KCNMA1: variants seen among roughly 807,000 people sequenced by gnomAD.
The protein encoded by KCNMA1 is Calcium-activated potassium channel subunit alpha-1.
A neutral mutation model predicts 140.0 loss-of-function variants in KCNMA1; 29 were observed. The ratio of observed to expected loss-of-function variants is 0.21; its 90% confidence interval spans 0.15 to 0.28. The LOEUF (loss-of-function observed/expected upper bound fraction) is 0.28, where lower values mean the gene tolerates loss of function less well. Ranked by LOEUF, KCNMA1 falls within the 10% of genes least tolerant of loss-of-function variation. The probability of loss-of-function intolerance (pLI) is 1.00; values close to 1 mark genes in which losing one functional copy is unlikely to be tolerated. For missense variants in KCNMA1, 880 were observed against 1,602.2 expected, an observed-to-expected ratio of 0.55 and a Z score of 7.70; for synonymous variants, 612 against 611.9, an observed-to-expected ratio of 1.00 and a Z score of 0.00.
chr10:77,053,024 G>A (rs1244549304), intron 14 of KCNMA1, among the ~76,000 whole-genome samples: 1 of 152,114 alleles, frequency 6.6e-6, no homozygotes, highest in Admixed American at 6.5e-5. Flanking sequence ...ATTTCTTGTT[G>A]CATTTCTAGA....
At chr10:77,346,245 C>T (rs2092113068) in intron 2 of KCNMA1, among the ~76,000 whole-genome samples, 1 of 152,198 alleles carries the variant, frequency 6.6e-6, no homozygotes, top group Admixed American at 6.5e-5. Flanking sequence ...CAAGTGCTTT[C>T]ATGTTTGAGA....
chr10:77,030,274 C>T (rs1310334175), intron 15 of KCNMA1, among the ~76,000 whole-genome samples: 1 of 152,218 alleles, frequency 6.6e-6, no homozygotes, highest in East Asian at 1.9e-4. Flanking sequence ...TATCCAACTA[C>T]AGCTGGAAAA....
chr10:76,960,144 C>T (rs1340653970), intron 20 of KCNMA1, among the ~76,000 whole-genome samples: 3 of 152,222 alleles, frequency 2.0e-5, no homozygotes, highest in Non-Finnish European at 4.4e-5. Flanking sequence ...AAATGCACCA[C>T]TTATGTGAAT....
At chr10:77,612,557 A>T (rs2087359175) in intron 1 of KCNMA1, among the ~76,000 whole-genome samples, 1 of 152,122 alleles carries the variant, frequency 6.6e-6, no homozygotes, top group Non-Finnish European at 1.5e-5. Flanking sequence ...CTGCCTGAAG[A>T]CCACATGCAA....
intron 1 of KCNMA1, among the ~76,000 whole-genome samples, chr10:77,600,891 C>T (rs916048276): frequency 1.3e-5 from 2 of 152,162 alleles, no homozygotes; most frequent in Non-Finnish European, 1.5e-5. Context: ...AGTCCTTAAG[C>T]TCACTCCACT....
At chr10:76,943,051 T>A (rs2062994062) in intron 23 of KCNMA1, among the ~76,000 whole-genome samples, 1 of 152,198 alleles carries the variant, frequency 6.6e-6, no homozygotes. Flanking sequence ...ACACCCATAC[T>A]GGGGCAGGGC....
chr10:77,000,857 A>AATAT (rs56359933), intron 19 of KCNMA1, among the ~76,000 whole-genome samples: 601 of 36,318 alleles, frequency 0.017, 5 homozygotes, highest in Middle Eastern at 0.027. Context: ...GTAAAAAGAA[A>AATAT]ATATATATAT....
chr10:77,382,881 A>T (rs1188157303), intron 2 of KCNMA1, among the ~76,000 whole-genome samples: 5,215 of 115,410 alleles, frequency 0.045, 360 homozygotes, highest in Non-Finnish European at 0.079. Context: ...AAAAAAAAAA[A>T]AAAAATATAT....
chr10:76,940,211 C>T (rs143217333), intron 23 of KCNMA1, among the ~76,000 whole-genome samples: 1 of 152,318 alleles, frequency 6.6e-6, no homozygotes, highest in East Asian at 1.9e-4. Flanking sequence ...TTGTTTTTGA[C>T]AACAAGCCAT....
chr10:77,246,293 A>T (rs2058527223), intron 3 of KCNMA1, among the ~76,000 whole-genome samples: 1 of 152,182 alleles, frequency 6.6e-6, no homozygotes, highest in African/African-American at 2.4e-5. Context: ...CAGCCTCCTC[A>T]TCTGTAAGTG....
chr10:77,352,369 C>G (rs920026340), intron 2 of KCNMA1, among the ~76,000 whole-genome samples: 5 of 152,144 alleles, frequency 3.3e-5, no homozygotes, highest in African/African-American at 1.2e-4. Flanking sequence ...ACTCATGTGC[C>G]CATTCCCGTT....
rs556945670 is a variant in KCNMA1, at chr10:77,550,516, A to G, written c.378+86749T>C. On this transcript the variant is annotated intron_variant, in intron 1 of 27. Coordinates refer to ENST00000286628, the MANE Select transcript of KCNMA1 (RefSeq NM_001161352.2). ...CTGTTGTGCCATCTACCCAGTTGTC[A>G]GTGTGCCTGTCTCAGCTTTGTGATC... Among the ~76,000 whole-genome samples, 4 of 152,254 alleles carry G rather than the reference A, an allele frequency of 2.6e-5. No individual in the cohort carries two copies. The East Asian group carries it at 7.7e-4, about 29-fold the overall frequency.
At chr10:77,401,285 T>C (rs2096257148) in intron 2 of KCNMA1, among the ~76,000 whole-genome samples, 1 of 151,920 alleles carries the variant, frequency 6.6e-6, no homozygotes, top group African/African-American at 2.4e-5. Context: ...GCCTCTCGAG[T>C]AGCTGGGACT....
At chr10:77,316,479 C>A (rs779078815) in intron 2 of KCNMA1, among the ~76,000 whole-genome samples, 1 of 152,170 alleles carries the variant, frequency 6.6e-6, no homozygotes, top group Admixed American at 6.5e-5. Context: ...TGAGCCTGCA[C>A]GGGACTCTCC....
At chr10:77,500,750 C>T (rs961889890) in intron 1 of KCNMA1, among the ~76,000 whole-genome samples, 1 of 152,142 alleles carries the variant, frequency 6.6e-6, no homozygotes, top group African/African-American at 2.4e-5. Flanking sequence ...TACTATTGCT[C>T]TCTCATATAT....
intron 22 of KCNMA1, 24 bp downstream of exon 22, chr10:76,949,118 T>C: frequency 2.6e-6 from 4 of 1,516,852 alleles, no homozygotes; most frequent in Non-Finnish European, 3.7e-6. Context: ...AGAAAAGGCA[T>C]CAATAATGTG....
At chr10:77,580,574 C>T (rs2154562826) in intron 1 of KCNMA1, among the ~76,000 whole-genome samples, 1 of 152,338 alleles carries the variant, frequency 6.6e-6, no homozygotes, top group Non-Finnish European at 1.5e-5. Context: ...CAGGGTCAGC[C>T]TGCCCCAGGA....
At chr10:77,072,785 T>A (rs745584880) in intron 14 of KCNMA1, among the ~76,000 whole-genome samples, 4 of 152,176 alleles carry the variant, frequency 2.6e-5, no homozygotes, top group Non-Finnish European at 5.9e-5. Context: ...TCTGTTGCCA[T>A]ATGGAATGTA....
chr10:77,029,128 T>C lies in KCNMA1; in HGVS notation c.1860-1237A>G, dbSNP rs546883236. ...GAATATGTAAATGGCACAATACAGT[T>C]AGATGAACCTATACACTTACATACT... On this transcript the variant is annotated intron_variant, in intron 15 of 27. Transcript: ENST00000286628. Among the ~76,000 whole-genome samples the C allele has an allele frequency of 4.6e-5, 7 of 152,328 alleles. No homozygotes were observed. In the South Asian group the frequency reaches 1.2e-3, roughly 27 times the overall value.
Sources: gnomAD v4.1 joint callset for allele counts (sites outside exome capture counted in the v4.1 genomes callset) on GRCh38, gnomAD v4.1.1 for gene constraint, MANE v1.5 for transcripts, NCBI Gene and HGNC (gene_info 2026-07-23, HGNC 2026-07-21) for gene names.